The following GTF2A1 variants were observed in gnomAD, a reference collection of about 807,000 sequenced individuals.
GTF2A1 encodes the protein transcription initiation factor IIA subunit 1.
Under a neutral mutation model 54.1 loss-of-function variants are expected in GTF2A1, and 12 were observed. The observed-to-expected ratio is 0.22, with a 90% CI of 0.14 to 0.36. GTF2A1 has a LOEUF of 0.36. Ranked by LOEUF, GTF2A1 falls within the 10% of genes least tolerant of loss-of-function variation. The pLI is 1.00. For synonymous variants in GTF2A1, 145 were observed against 152.0 expected (o/e 0.95, Z 0.34); for missense variants, 335 against 442.2 (o/e 0.76, Z 2.17).
At chr14:81,188,230 C>T (rs1043928395) in intron 7 of GTF2A1, among the ~76,000 whole-genome samples, 2 of 152,128 alleles carry the variant, frequency 1.3e-5, no homozygotes, top group Middle Eastern at 3.4e-3. Flanking sequence ...ATAGTAGATC[C>T]TTATCAAATA....
At chr14:81,206,661 C>T (rs539513586) in intron 2 of GTF2A1, among the ~76,000 whole-genome samples, 25 of 152,264 alleles carry the variant, frequency 1.6e-4, no homozygotes, top group African/African-American at 6.0e-4. Context: ...CTGATGTATG[C>T]TAAAGTGAGA....
At chr14:81,212,430 T>G (rs907878025) in intron 2 of GTF2A1, among the ~76,000 whole-genome samples, 3 of 152,206 alleles carry the variant, frequency 2.0e-5, no homozygotes, top group African/African-American at 7.2e-5. Context: ...TCTCACAGTT[T>G]ACACATTAAA....
intron 1 of GTF2A1, among the ~76,000 whole-genome samples, chr14:81,217,070 G>A (rs1280079679): frequency 3.3e-5 from 5 of 152,268 alleles, no homozygotes; most frequent in South Asian, 2.1e-4. Flanking sequence ...AGGTCCCAAG[G>A]AACAAGGTAT....
chr14:81,178,830 G>A lies in GTF2A1; in HGVS notation c.*1393C>T, dbSNP rs560103101. On this transcript the variant is annotated 3_prime_UTR_variant, in exon 9 of 9. Transcript: ENST00000553612. ...AGATAAACCATGGAAAGTTGAATTC[G>A]TTGTAAGAACACAATGGTGAAGACA... 2.6e-5 allele frequency: 4 copies of A among 152,272 alleles called. No individual in the cohort carries two copies. Among genetic ancestry groups the A allele is most frequent in the East Asian group, 3.9e-4 (2 of 5,184 alleles). 9.4% of individuals were successfully genotyped at this position (152,272 alleles called of 1,614,324 possible).
chr14:81,220,529 AAC>A lies in GTF2A1; in HGVS notation c.-13_-12del. The A allele has an allele frequency of 1.3e-6, 2 of 1,569,086 alleles. No individual in the cohort carries two copies. The highest frequency in any genetic ancestry group is 1.7e-6 in the Non-Finnish European group (2 of 1,156,216). ...TGCCGAGTTCGCCATTTCCACACAC[AAC>A]ACAAACAAGAGGGGGCAACCCCAAG... On this transcript the variant is annotated 5_prime_UTR_variant, in exon 1 of 9. Coordinates refer to ENST00000553612, the MANE Select transcript of GTF2A1 (RefSeq NM_015859.4).
chr14:81,178,417 A>T lies in GTF2A1; in HGVS notation c.*1806T>A, dbSNP rs958392677. ...AAAACCTCTGTGTGCTTTGAGAGTC[A>T]CAGAATAAACAAACTTCCCCTCAAA... On this transcript the variant is annotated 3_prime_UTR_variant, in exon 9 of 9. Coordinates refer to ENST00000553612, the MANE Select transcript of GTF2A1 (RefSeq NM_015859.4). 1 of 152,118 alleles carries T rather than the reference A, an allele frequency of 6.6e-6. No individual in the cohort carries two copies. Among genetic ancestry groups the T allele is most frequent in the Non-Finnish European group, 1.5e-5 (1 of 68,010 alleles). The allele number at this position is 152,118 out of a possible 1,614,324, so 9.4% of individuals were successfully genotyped here. A position where few individuals can be genotyped will look rare whatever the true frequency, so the allele number is the denominator to read the frequency against.
chr14:81,209,403 T>C (rs1893312884), intron 2 of GTF2A1, among the ~76,000 whole-genome samples: 1 of 152,208 alleles, frequency 6.6e-6, no homozygotes, highest in African/African-American at 2.4e-5. Flanking sequence ...AATTAAACCT[T>C]TTTTTGTTTC....
At chr14:81,197,190 T>A (rs1893010343) in intron 5 of GTF2A1, 1 of 448,454 alleles carries the variant, frequency 2.2e-6, no homozygotes, top group Admixed American at 3.9e-5. Context: ...CATGCACAGA[T>A]CAAAGGTTCA....
At chr14:81,184,056 T>A (rs931574463) in intron 8 of GTF2A1, among the ~76,000 whole-genome samples, 1 of 152,204 alleles carries the variant, frequency 6.6e-6, no homozygotes. Context: ...CAGCACACCA[T>A]TTAGAGCTAT....
At chr14:81,195,184 G>C (rs948860665) in intron 6 of GTF2A1, among the ~76,000 whole-genome samples, 1 of 151,290 alleles carries the variant, frequency 6.6e-6, no homozygotes, top group African/African-American at 2.4e-5. Context: ...GGTTAGGAGG[G>C]CAAAAGATGA....
chr14:81,215,331 A>C lies in GTF2A1; in HGVS notation c.132+1082T>G, dbSNP rs148944830. Among the ~76,000 whole-genome samples the C allele has an allele frequency of 5.4e-4, 82 of 152,346 alleles. 3 individuals carry two copies. In the East Asian group the frequency reaches 0.016, roughly 29 times the overall value. On this transcript the variant is annotated intron_variant, in intron 2 of 8. Coordinates refer to ENST00000553612, the MANE Select transcript of GTF2A1 (RefSeq NM_015859.4). ...ACTTGAATTGTGAATTTAACTGGTC[A>C]CTTTTCTCACAGAATACAACTTTTA...
chr14:81,201,890 T>G (rs1217410350), intron 3 of GTF2A1, among the ~76,000 whole-genome samples: 2 of 152,218 alleles, frequency 1.3e-5, no homozygotes, highest in Non-Finnish European at 2.9e-5. Flanking sequence ...CCAGGCGTGG[T>G]GGCTCACACC....
Position 81,196,091 on chromosome 14 carries a change from A to G in GTF2A1, c.612+17T>C. 2 of 1,609,916 alleles carry G rather than the reference A, an allele frequency of 1.2e-6. No individual in the cohort carries two copies. Among genetic ancestry groups the G allele is most frequent in the Non-Finnish European group, 1.7e-6 (2 of 1,176,234 alleles). ...AAAACAGAACCCCATACTGATCATA[A>G]TAGAAGATTATTTTACCTGCTGTAT... is the stretch of plus-strand genomic sequence containing the variant. On this transcript the variant is annotated intron_variant, in intron 6 of 8. Coordinates refer to ENST00000553612, the MANE Select transcript of GTF2A1 (RefSeq NM_015859.4).
At chr14:81,211,877 AT>A (rs1201788513) in intron 2 of GTF2A1, among the ~76,000 whole-genome samples, 1 of 24,776 alleles carries the variant, frequency 4.0e-5, no homozygotes, top group African/African-American at 6.5e-5. Flanking sequence ...CAAGTACTTT[AT>A]ATATATATAT....
chr14:81,219,499 A>G (rs762394223), intron 1 of GTF2A1, among the ~76,000 whole-genome samples: 1 of 152,218 alleles, frequency 6.6e-6, no homozygotes, highest in Non-Finnish European at 1.5e-5. Flanking sequence ...AGGGAGGAGG[A>G]CCACAAGGCT....
At chr14:81,211,875 TTATATATA>T (rs757044041) in intron 2 of GTF2A1, among the ~76,000 whole-genome samples, 1,734 of 68,496 alleles carry the variant, frequency 0.025, 94 homozygotes, top group Non-Finnish European at 0.03. Flanking sequence ...ATCAAGTACT[TTATATATA>T]TATATATATA....
At chr14:81,195,222 T>C (rs1477905148) in intron 6 of GTF2A1, among the ~76,000 whole-genome samples, 3 of 146,442 alleles carry the variant, frequency 2.0e-5, no homozygotes, top group East Asian at 2.0e-4. Flanking sequence ...AAGAAGACAA[T>C]GCAGCATTTT....
chr14:81,198,514 T>A (rs1016643429), intron 4 of GTF2A1, among the ~76,000 whole-genome samples: 1 of 152,208 alleles, frequency 6.6e-6, no homozygotes, highest in African/African-American at 2.4e-5. Flanking sequence ...TATTATGAAT[T>A]TCTTTAAATC....
intron 2 of GTF2A1, chr14:81,209,776 C>G: frequency 2.3e-6 from 1 of 425,682 alleles, no homozygotes; most frequent in East Asian, 7.2e-5. Flanking sequence ...CCACAATTCC[C>G]TATACAAGAC....
Sources: gnomAD v4.1 joint callset for allele counts (sites outside exome capture counted in the v4.1 genomes callset) on GRCh38, gnomAD v4.1.1 for gene constraint, MANE v1.5 for transcripts, NCBI Gene and HGNC (gene_info 2026-07-23, HGNC 2026-07-21) for gene names.